Variants in GRIN2A observed in about 807,000 individuals in gnomAD.
GRIN2A encodes the protein glutamate ionotropic receptor NMDA type subunit 2A.
Under a neutral mutation model 113.4 loss-of-function variants are expected in GRIN2A, and 22 were observed. The ratio of observed to expected loss-of-function variants is 0.19; its 90% CI spans 0.14 to 0.28. The LOEUF is 0.28. Ranked by LOEUF, GRIN2A falls within the 10% of genes least tolerant of loss-of-function variation. The pLI, the probability that GRIN2A is intolerant of heterozygous loss-of-function variation, is 1.00. For missense variants in GRIN2A, 1,502 were observed against 1,887.0 expected (o/e 0.80, Z 3.78); for synonymous variants, 827 against 738.4 (o/e 1.12, Z -1.94).
chr16:9,986,756 C>T (rs868433006), intron 2 of GRIN2A, among the ~76,000 whole-genome samples: 20 of 115,052 alleles, frequency 1.7e-4, no homozygotes, highest in African/African-American at 5.9e-4. Flanking sequence ...CAGTGCAAGA[C>T]GCTGTCTCAA....
At chr16:9,884,644 A>G (rs1316319625) in intron 4 of GRIN2A, among the ~76,000 whole-genome samples, 1 of 152,088 alleles carries the variant, frequency 6.6e-6, no homozygotes. Flanking sequence ...AGGTAGAATA[A>G]GTAGTTCAGC....
intron 2 of GRIN2A, among the ~76,000 whole-genome samples, chr16:9,969,139 G>C (rs2045619456): frequency 6.6e-6 from 1 of 151,938 alleles, no homozygotes; most frequent in Non-Finnish European, 1.5e-5. Context: ...GTAGACACAG[G>C]GAGTCAATGG....
chr16:9,850,026 C>T, intron 4 of GRIN2A, 65 bp from the exon 5 acceptor site: 6 of 1,346,976 alleles, frequency 4.5e-6, no homozygotes, highest in Non-Finnish European at 6.4e-6. Context: ...AGAGGCAAAT[C>T]CTTTCCCTGC....
intron 2 of GRIN2A, among the ~76,000 whole-genome samples, chr16:10,130,191 T>C (rs1457398114): frequency 6.6e-6 from 1 of 152,178 alleles, no homozygotes; most frequent in Non-Finnish European, 1.5e-5. Context: ...AGAGGCAGAC[T>C]TGGAACGCTG....
intron 3 of GRIN2A, among the ~76,000 whole-genome samples, chr16:9,922,665 G>C (rs1382733984): frequency 6.6e-6 from 1 of 152,222 alleles, no homozygotes; most frequent in Non-Finnish European, 1.5e-5. Context: ...GCATGCCTGA[G>C]TGAAGAACAG....
intron 2 of GRIN2A, among the ~76,000 whole-genome samples, chr16:10,090,422 A>G (rs558171893): frequency 3.3e-5 from 5 of 152,334 alleles, no homozygotes; most frequent in Admixed American, 3.3e-4. Context: ...TGACAGGATA[A>G]TTTGATAGGA....
intron 2 of GRIN2A, among the ~76,000 whole-genome samples, chr16:10,066,021 C>T (rs1047109173): frequency 1.3e-5 from 2 of 152,192 alleles, no homozygotes; most frequent in Non-Finnish European, 2.9e-5. Flanking sequence ...ATGAATCCAA[C>T]AACTAAGAGA....
At chr16:9,801,371 T>C (rs1358354515) in intron 10 of GRIN2A, among the ~76,000 whole-genome samples, 1 of 149,806 alleles carries the variant, frequency 6.7e-6, no homozygotes. Context: ...CACACACACA[T>C]GTACACATGG....
In GRIN2A at chr16:9,755,089, T is replaced by C. The variant is rs1047279429; in HGVS notation, c.*8060A>G. Reference sequence around the variant, plus strand: ...CATGACCCAGGGCTAATGAAGAATGTTCTAGGATTGCAAAAATGCAAACTC... The same window carrying C: ...CATGACCCAGGGCTAATGAAGAATGCTCTAGGATTGCAAAAATGCAAACTC... On this transcript the variant is annotated 3_prime_UTR_variant, in exon 13 of 13. Coordinates refer to ENST00000330684, the MANE Select transcript of GRIN2A (RefSeq NM_001134407.3). 1.5e-5 allele frequency: 3 copies of C among 199,086 alleles called. No homozygotes were observed. The highest frequency in any genetic ancestry group is 3.1e-5 in the Non-Finnish European group (3 of 96,388). The allele number at this position is 199,086 out of a possible 1,614,324, so 12.3% of individuals were successfully genotyped here. A position where few individuals can be genotyped will look rare whatever the true frequency, so the allele number is the denominator to read the frequency against.
intron 2 of GRIN2A, among the ~76,000 whole-genome samples, chr16:10,148,289 C>T (rs2049488363): frequency 6.6e-6 from 1 of 152,184 alleles, no homozygotes; most frequent in East Asian, 1.9e-4. Flanking sequence ...GCAACAGATC[C>T]TATGGCCTGC....
chr16:10,001,085 G>A (rs910012721), intron 2 of GRIN2A, among the ~76,000 whole-genome samples: 7 of 152,154 alleles, frequency 4.6e-5, no homozygotes, highest in Non-Finnish European at 7.4e-5. Flanking sequence ...TACCTTACCC[G>A]TGGGCCCCAA....
At chr16:9,814,664 A>G (rs1330496860) in intron 10 of GRIN2A, among the ~76,000 whole-genome samples, 1 of 152,148 alleles carries the variant, frequency 6.6e-6, no homozygotes, top group East Asian at 1.9e-4. Context: ...TCAATAGTCA[A>G]CTAACTAACC....
chr16:9,987,651 T>G (rs2046004251), intron 2 of GRIN2A, among the ~76,000 whole-genome samples: 1 of 152,238 alleles, frequency 6.6e-6, no homozygotes, highest in African/African-American at 2.4e-5. Context: ...TCTGTATATT[T>G]GGCTTAAATA....
chr16:10,103,376 T>C (rs1008982723), intron 2 of GRIN2A, among the ~76,000 whole-genome samples: 2 of 152,110 alleles, frequency 1.3e-5, no homozygotes, highest in African/African-American at 4.8e-5. Flanking sequence ...GAGCAGAAAA[T>C]ATATGAGTCT....
intron 2 of GRIN2A, among the ~76,000 whole-genome samples, chr16:10,004,976 G>A (rs777711676): frequency 1.2e-4 from 19 of 152,200 alleles, no homozygotes; most frequent in Non-Finnish European, 2.4e-4. Context: ...TACTTAAAGT[G>A]CATTATAAAT....
chr16:10,150,736 C>T (rs2049551481), intron 2 of GRIN2A, among the ~76,000 whole-genome samples: 1 of 152,234 alleles, frequency 6.6e-6, no homozygotes, highest in African/African-American at 2.4e-5. Flanking sequence ...TTAAATACTC[C>T]ACCTTTATCC....
At chr16:10,139,403 A>C (rs938230183) in intron 2 of GRIN2A, among the ~76,000 whole-genome samples, 1 of 152,224 alleles carries the variant, frequency 6.6e-6, no homozygotes, top group Non-Finnish European at 1.5e-5. Flanking sequence ...CCTCATTACA[A>C]TGAAAACAGA....
At chr16:9,961,466 A>G (rs1274107286) in intron 2 of GRIN2A, among the ~76,000 whole-genome samples, 5 of 152,254 alleles carry the variant, frequency 3.3e-5, no homozygotes, top group Non-Finnish European at 7.3e-5. Flanking sequence ...AAGCCCATTT[A>G]TAACAGAACA....
At chr16:9,904,333 G>C (rs1037467951) in intron 3 of GRIN2A, among the ~76,000 whole-genome samples, 1 of 152,142 alleles carries the variant, frequency 6.6e-6, no homozygotes, top group Non-Finnish European at 1.5e-5. Flanking sequence ...ATGGTGGAGA[G>C]AGATCTACTT....
Sources: gnomAD v4.1 joint callset for allele counts (sites outside exome capture counted in the v4.1 genomes callset) on GRCh38, gnomAD v4.1.1 for gene constraint, MANE v1.5 for transcripts, NCBI Gene and HGNC (gene_info 2026-07-23, HGNC 2026-07-21) for gene names.